The following SLC6A14 variants were observed in gnomAD, a reference collection of about 807,000 sequenced individuals.
The protein encoded by SLC6A14 is sodium- and chloride-dependent neutral and basic amino acid transporter B(0+).
SLC6A14 carries 21 observed loss-of-function variants against 51.4 expected under a neutral mutation model. That is an observed-to-expected ratio of 0.41 (90% CI 0.29 to 0.59). The LOEUF (loss-of-function observed/expected upper bound fraction) is 0.59, where lower values mean the gene tolerates loss of function less well. Among genes scored for constraint, SLC6A14 ranks in the 20% least tolerant of loss-of-function variants. The pLI is 0.31. For synonymous variants in SLC6A14, 177 were observed against 160.7 expected, an observed-to-expected ratio of 1.10 and a Z score of -0.77; for missense variants, 371 against 472.8, an observed-to-expected ratio of 0.78 and a Z score of 2.00.
rs143521348 is a variant in SLC6A14, at chrX:116,455,340, C to G, written c.1505-17C>G. On this transcript the variant is annotated splice_polypyrimidine_tract_variant and intron_variant, in intron 11 of 13. Coordinates refer to ENST00000598581, the MANE Select transcript of SLC6A14 (RefSeq NM_007231.5). ...AAAATATTAGCAAGCACTCAATGTA[C>G]TCTTTGTTTTCTTTAGGAGGGAACA... 1,681 of 1,145,138 alleles carry G rather than the reference C, an allele frequency of 1.5e-3. 15 individuals are homozygous for G. The African/African-American group carries it at 0.026, about 18-fold the overall frequency. 94.4% of individuals were successfully genotyped at this position (1,145,138 alleles called of 1,213,427 possible). A position where few individuals can be genotyped will look rare whatever the true frequency, so the allele number is the denominator to read the frequency against.
Position 116,453,034 on chromosome X carries a change from A to C in SLC6A14, c.1177A>C (p.Ile393Leu). ...VVKSGFDLAF[I>L]AYPEALAQLP... is the part of the protein sequence containing the mutation. ...TTTCGTAGGTTTTGATTTGGCATTC[A>C]TTGCCTATCCAGAGGCTCTAGCCCA... The change falls in exon 9 of 14, where the codon ATT becomes CTT. Residue 393 changes from isoleucine to leucine, a missense_variant. This residue lies in a region of SLC6A14 where 277 missense variants were observed against 391.8 expected (regional missense o/e 0.71). Coordinates refer to ENST00000598581, the MANE Select transcript of SLC6A14 (RefSeq NM_007231.5). 8.4e-7 allele frequency: 1 copy of C among 1,193,106 alleles called. No homozygotes were observed. Among genetic ancestry groups the C allele is most frequent in the South Asian group, 1.9e-5 (1 of 54,029 alleles).
Position 116,443,792 on chromosome X carries a change from T to A in SLC6A14, c.656+2T>A. The A allele has an allele frequency of 8.5e-7, 1 of 1,179,568 alleles. No homozygotes were observed. The highest frequency in any genetic ancestry group is 1.1e-6 in the Non-Finnish European group (1 of 876,811). On this transcript the variant is annotated splice_donor_variant, in intron 5 of 13. Transcript: ENST00000598581. LOFTEE classifies it high-confidence loss of function. Reference sequence around the variant, plus strand: ...GCTTCCCAGTGAACAATATTGGAAGTAAGTATACTAGATGATTTACTTTTA... The same window carrying A: ...GCTTCCCAGTGAACAATATTGGAAGAAAGTATACTAGATGATTTACTTTTA...
intron 1 of SLC6A14, 48 bp downstream of exon 1, chrX:116,436,805 A>G (rs1556693318): frequency 1.8e-6 from 2 of 1,088,412 alleles, no homozygotes; most frequent in Admixed American, 5.5e-5. Context: ...GAGAGTGGAA[A>G]ACTTAAGGGG....
At chrX:116,457,981 A>G (rs1161099453) in intron 13 of SLC6A14, among the ~76,000 whole-genome samples, 1 of 111,621 alleles carries the variant, frequency 9.0e-6, no homozygotes, top group Admixed American at 9.5e-5. Flanking sequence ...GTGTTTCTCT[A>G]TGCTAGACTA....
intron 3 of SLC6A14, among the ~76,000 whole-genome samples, chrX:116,441,477 T>A (rs1445525350): frequency 8.9e-6 from 1 of 112,304 alleles, no homozygotes; most frequent in Non-Finnish European, 1.9e-5. Context: ...TTACTGCCTT[T>A]GCATATCTTT....
intron 7 of SLC6A14, among the ~76,000 whole-genome samples, chrX:116,449,019 G>T (rs534249249): frequency 3.6e-5 from 4 of 110,675 alleles, no homozygotes; most frequent in Admixed American, 1.9e-4. Context: ...TCATAATCAG[G>T]TGTCTTTCCT....
chrX:116,442,775 T>C lies in SLC6A14; in HGVS notation c.435T>C (p.Ala145=), dbSNP rs375653551. The C allele has an allele frequency of 1.0e-5, 12 of 1,192,250 alleles. No individual in the cohort carries two copies. Among genetic ancestry groups the C allele is most frequent in the South Asian group, 1.9e-5 (1 of 53,377 alleles). ...IIAYSLYYMF[A]SFQSELPWKN... Reference sequence around the variant, plus strand: ...CCTATAGTCTTTACTACATGTTTGCTTCTTTTCAAAGTGAACTACCATGGA... The same window carrying C: ...CCTATAGTCTTTACTACATGTTTGCCTCTTTTCAAAGTGAACTACCATGGA... The change falls in exon 4 of 14, where the codon GCT becomes GCC. Residue 145 remains alanine, a synonymous_variant. Coordinates refer to ENST00000598581, the MANE Select transcript of SLC6A14 (RefSeq NM_007231.5).
At chrX:116,456,335 C>T (rs1927934076) in intron 12 of SLC6A14, among the ~76,000 whole-genome samples, 1 of 110,093 alleles carries the variant, frequency 9.1e-6, no homozygotes, top group Non-Finnish European at 1.9e-5. Context: ...GAGAGGATTA[C>T]ATTTTTTTTT....
intron 6 of SLC6A14, 106 bp from the exon 7 acceptor site, chrX:116,446,635 G>T (rs1927719355): frequency 1.7e-6 from 1 of 600,436 alleles, no homozygotes; most frequent in Non-Finnish European, 2.6e-6. Context: ...GAAATCCCCT[G>T]TACTTTATTT....
intron 4 of SLC6A14, 41 bp downstream of exon 4, chrX:116,442,889 T>A (rs782458807): frequency 2.0e-5 from 20 of 1,001,633 alleles, no homozygotes; most frequent in Non-Finnish European, 2.6e-5. Flanking sequence ...TTATATATAT[T>A]TTTTATAAGC....
intron 3 of SLC6A14, among the ~76,000 whole-genome samples, 198 bp from the exon 4 acceptor site, chrX:116,442,489 T>G (rs1556693740): frequency 9.0e-6 from 1 of 111,184 alleles, no homozygotes; most frequent in Non-Finnish European, 1.9e-5. Context: ...GGTCTCGAAC[T>G]CCTGACCTCA....
Position 116,459,666 on chromosome X carries a change from A to G in SLC6A14, c.*711A>G, listed in dbSNP as rs1427805415. ...GAGTTTTGAGTACCTCTTTTCCCAT[A>G]TACAATCTTCCTTCCTTAGGTAATT... On this transcript the variant is annotated 3_prime_UTR_variant, in exon 14 of 14. Coordinates refer to ENST00000598581, the MANE Select transcript of SLC6A14 (RefSeq NM_007231.5). 2 of 111,963 alleles carry G rather than the reference A, an allele frequency of 1.8e-5. No individual in the cohort carries two copies. The highest frequency in any genetic ancestry group is 3.8e-5 in the Non-Finnish European group (2 of 53,062). 9.2% of individuals were successfully genotyped at this position (111,963 alleles called of 1,213,427 possible).
rs373789886 is a variant in SLC6A14 at position 116,440,967 on chromosome X, C to T, written c.216C>T (p.Gly72=). ...TTGGTTCTTTCTCACCTTTTTTAGG[C>T]GCCTTCTTGATACCTTATGCAATTA... The part of the protein sequence containing the change: ...FPYLTYSNGG[G]AFLIPYAIML... The change falls in exon 3 of 14, where the codon GGC becomes GGT. Residue 72 remains glycine (G), a splice_region_variant and synonymous_variant. Coordinates refer to ENST00000598581, the MANE Select transcript of SLC6A14 (RefSeq NM_007231.5). 1.7e-5 allele frequency: 21 copies of T among 1,206,170 alleles called. No individual in the cohort carries two copies. The highest frequency in any genetic ancestry group is 5.4e-5 in the South Asian group (3 of 56,053).
rs1207155018 is a variant in SLC6A14, at chrX:116,440,947, T to C, written c.215-19T>C. The C allele has an allele frequency of 2.5e-6, 3 of 1,206,151 alleles. No homozygotes were observed. The Admixed American group carries it at 6.6e-5, about 27-fold the overall frequency. On this transcript the variant is annotated intron_variant, in intron 2 of 13. Transcript: ENST00000598581. ...CTTCGAGCTGTAATAGTGCTTTGGT[T>C]CTTTCTCACCTTTTTTAGGCGCCTT...
intron 4 of SLC6A14, 101 bp from the exon 5 acceptor site, chrX:116,443,542 T>C: frequency 3.5e-6 from 2 of 570,490 alleles, no homozygotes; most frequent in East Asian, 4.2e-5. Context: ...AAGTAACAAT[T>C]TTGATGATAA....
At chrX:116,440,200 GAAAATGAT>G (rs1267428567) in intron 2 of SLC6A14, among the ~76,000 whole-genome samples, 1 of 111,769 alleles carries the variant, frequency 8.9e-6, no homozygotes, top group African/African-American at 3.2e-5. Context: ...AAAAAAAAAG[GAAAATGAT>G]AAAAGGTTAA....
intron 7 of SLC6A14, among the ~76,000 whole-genome samples, chrX:116,449,668 T>A: frequency 8.9e-6 from 1 of 112,040 alleles, no homozygotes; most frequent in Non-Finnish European, 1.9e-5. Flanking sequence ...CTATCAGATA[T>A]GAAACAATAT....
intron 5 of SLC6A14, 92 bp downstream of exon 5, chrX:116,443,882 C>A: frequency 1.4e-6 from 1 of 710,271 alleles, no homozygotes; most frequent in Non-Finnish European, 2.0e-6. Context: ...CCTTAACTCA[C>A]ATAAATAGAA....
In SLC6A14 at chrX:116,446,095, T is replaced by C. The variant is rs191087550; in HGVS notation, c.790-646T>C. ...TTAAACCATTTCCTTGGATGTATTA[T>C]AAAACATAGGACATCTATGGATCAA... On this transcript the variant is annotated intron_variant, in intron 6 of 13. Transcript: ENST00000598581. 3.3e-4 allele frequency among the ~76,000 whole-genome samples: 32 copies of C among 96,998 alleles called. No homozygotes were observed. In the East Asian group the frequency reaches 7.8e-3, roughly 24 times the overall value. The allele number at this position is 96,998 out of a possible 115,157, so 84.2% of individuals were successfully genotyped here. A position where few individuals can be genotyped will look rare whatever the true frequency, so the allele number is the denominator to read the frequency against.
Sources: gnomAD v4.1 joint callset for allele counts (sites outside exome capture counted in the v4.1 genomes callset) on GRCh38, gnomAD v4.1.1 for gene constraint, gnomAD v4.1.1 regional missense constraint, MANE v1.5 for transcripts, NCBI Gene and HGNC (gene_info 2026-07-23, HGNC 2026-07-21) for gene names.